Variants in KPNA3 observed in about 807,000 individuals in gnomAD.
The protein encoded by KPNA3 is importin subunit alpha-4.
In KPNA3, 13 loss-of-function variants were observed where a neutral mutation model predicts 73.8. The observed-to-expected ratio is 0.18, with a 90% CI of 0.11 to 0.28. The LOEUF (loss-of-function observed/expected upper bound fraction) is 0.28, where lower values mean the gene tolerates loss of function less well. KPNA3 is among the 10% of genes least tolerant of loss of function. The pLI, the probability that KPNA3 is intolerant of heterozygous loss-of-function variation, is 1.00. For synonymous variants in KPNA3, 186 were observed against 206.9 expected, an observed-to-expected ratio of 0.90 and a Z score of 0.87; for missense variants, 360 against 618.1, an observed-to-expected ratio of 0.58 and a Z score of 4.43.
At chr13:49,737,755 T>C (rs1344618891) in intron 2 of KPNA3, among the ~76,000 whole-genome samples, 1 of 152,136 alleles carries the variant, frequency 6.6e-6, no homozygotes, top group East Asian at 1.9e-4. Context: ...AATACAGGTG[T>C]TATGCCACTG....
intron 9 of KPNA3, among the ~76,000 whole-genome samples, chr13:49,720,987 G>C (rs1306345155): frequency 1.3e-5 from 2 of 152,118 alleles, no homozygotes; most frequent in Non-Finnish European, 1.5e-5. Context: ...GGGATACTGA[G>C]GTGAGCAGAT....
rs1465200149 is a variant in KPNA3 at position 49,722,469 on chromosome 13, C to G, written c.556+8G>C. On this transcript the variant is annotated splice_region_variant and intron_variant, in intron 8 of 16. Coordinates refer to ENST00000261667, the MANE Select transcript of KPNA3 (RefSeq NM_002267.4). ...GATTCTTAAGAGGATTCCTTTCAAA[C>G]CACTTACCTATAATGTTTCCCAAAG... 1 of 1,584,516 alleles carries G rather than the reference C, an allele frequency of 6.3e-7. No homozygotes were observed. Among genetic ancestry groups the G allele is most frequent in the Non-Finnish European group, 8.6e-7 (1 of 1,157,728 alleles).
chr13:49,704,247 C>A (rs1176693268), intron 15 of KPNA3, among the ~76,000 whole-genome samples: 1 of 151,826 alleles, frequency 6.6e-6, no homozygotes, highest in African/African-American at 2.4e-5. Flanking sequence ...CACGGAGAAA[C>A]CCTGCCTCTA....
At chr13:49,749,094 A>T (rs1004656555) in intron 1 of KPNA3, among the ~76,000 whole-genome samples, 1 of 152,238 alleles carries the variant, frequency 6.6e-6, no homozygotes, top group African/African-American at 2.4e-5. Context: ...GATGATGCAT[A>T]ACAAAAAGAT....
At chr13:49,784,613 C>A (rs1466627253) in intron 1 of KPNA3, among the ~76,000 whole-genome samples, 1 of 152,150 alleles carries the variant, frequency 6.6e-6, no homozygotes, top group Non-Finnish European at 1.5e-5. Flanking sequence ...ATCACTAATT[C>A]ATTCACTATG....
At chr13:49,724,751 CATGCA>C (rs1954394231) in intron 7 of KPNA3, among the ~76,000 whole-genome samples, 1 of 152,156 alleles carries the variant, frequency 6.6e-6, no homozygotes, top group Non-Finnish European at 1.5e-5. Context: ...CATGCGCCAC[CATGCA>C]ATGCTAATTT....
At chr13:49,747,053 A>G in intron 1 of KPNA3, 60 bp from the exon 2 acceptor site, 3 of 1,292,646 alleles carry the variant, frequency 2.3e-6, no homozygotes. Context: ...TAGTATATAA[A>G]GATCTCAGCT....
In KPNA3 at chr13:49,714,864, C is replaced by T. The variant is rs371779716; in HGVS notation, c.772-3842G>A. 5.9e-5 allele frequency among the ~76,000 whole-genome samples: 9 copies of T among 151,916 alleles called. No individual in the cohort carries two copies. The East Asian group carries it at 7.7e-4, about 13-fold the overall frequency. ...CTAAACTGCAAACCAATATCACTTA[C>T]GTGAATGCTGATGTAAAAATCTGAA... On this transcript the variant is annotated intron_variant, in intron 10 of 16. Transcript: ENST00000261667.
intron 2 of KPNA3, 31 bp from the exon 3 acceptor site, chr13:49,733,077 T>C: frequency 7.6e-6 from 10 of 1,312,242 alleles, no homozygotes; most frequent in Non-Finnish European, 1.1e-5. Flanking sequence ...GCTTAAGAAG[T>C]CATAAGGACT....
At chr13:49,780,240 T>G (rs1471603500) in intron 1 of KPNA3, among the ~76,000 whole-genome samples, 1 of 152,182 alleles carries the variant, frequency 6.6e-6, no homozygotes, top group Non-Finnish European at 1.5e-5. Flanking sequence ...CTCATTTGTT[T>G]GCCTACAGTC....
intron 1 of KPNA3, among the ~76,000 whole-genome samples, chr13:49,778,641 GTTT>G (rs779997185): frequency 6.6e-6 from 1 of 152,088 alleles, no homozygotes; most frequent in Non-Finnish European, 1.5e-5. Context: ...GAGAGCTTTT[GTTT>G]TTTTGTTGTT....
At chr13:49,786,222 A>T (rs1954981221) in intron 1 of KPNA3, among the ~76,000 whole-genome samples, 1 of 152,178 alleles carries the variant, frequency 6.6e-6, no homozygotes, top group Non-Finnish European at 1.5e-5. Context: ...CCAAATGTAG[A>T]CTTTTTTCAG....
intron 1 of KPNA3, 44 bp from the exon 2 acceptor site, chr13:49,747,037 C>T (rs2137569404): frequency 7.1e-7 from 1 of 1,399,364 alleles, no homozygotes; most frequent in Non-Finnish European, 1.0e-6. Flanking sequence ...AAAATACGGA[C>T]ACTGCTAGTA....
chr13:49,761,247 A>G (rs992035431), intron 1 of KPNA3, among the ~76,000 whole-genome samples: 5 of 151,124 alleles, frequency 3.3e-5, no homozygotes, highest in African/African-American at 7.3e-5. Flanking sequence ...CTCTCCCCAC[A>G]GTCTCCCTCT....
At chr13:49,767,002 T>C (rs1425668214) in intron 1 of KPNA3, among the ~76,000 whole-genome samples, 1 of 151,648 alleles carries the variant, frequency 6.6e-6, no homozygotes, top group African/African-American at 2.4e-5. Context: ...TTAGGATTTT[T>C]TTTTTTTTTT....
At chr13:49,774,208 G>T (rs1453303685) in intron 1 of KPNA3, among the ~76,000 whole-genome samples, 1 of 151,938 alleles carries the variant, frequency 6.6e-6, no homozygotes, top group Non-Finnish European at 1.5e-5. Context: ...CCAGGTCTTA[G>T]TTCTTTTTCT....
chr13:49,775,695 T>C (rs1954892443), intron 1 of KPNA3, among the ~76,000 whole-genome samples: 2 of 152,196 alleles, frequency 1.3e-5, no homozygotes, highest in South Asian at 2.1e-4. Flanking sequence ...TACTAAACTA[T>C]CCTGTTCTGT....
At chr13:49,745,455 G>A (rs1238563472) in intron 2 of KPNA3, among the ~76,000 whole-genome samples, 1 of 151,132 alleles carries the variant, frequency 6.6e-6, no homozygotes, top group African/African-American at 2.4e-5. Flanking sequence ...TGCCTCCAGG[G>A]TTCAAGCAAT....
chr13:49,732,392 T>G lies in KPNA3; in HGVS notation c.362A>C (p.Lys121Thr), dbSNP rs34024081. The G allele has an allele frequency of 2.5e-6, 4 of 1,575,064 alleles. No individual in the cohort carries two copies. The highest frequency in any genetic ancestry group is 3.5e-6 in the Non-Finnish European group (4 of 1,149,664). Residue 121 changes from lysine to threonine, a missense_variant, in exon 6 of 17, where the codon AAA becomes ACA. Physicochemically the swap from Lys to Thr is moderately conservative, Grantham distance 78. This residue lies in a region of KPNA3 where 287 missense variants were observed against 549.1 expected (regional missense o/e 0.52). Transcript: ENST00000261667. ...IKSGILPILV[K>T]CLERDDNPSL... ...TTACTTATCATCCCTTTCTAGACAT[T>G]TGACTAGAATTGGTAAAATCCCAGA...
Sources: allele counts gnomAD v4.1 joint callset (sites outside exome capture counted in the v4.1 genomes callset), GRCh38; gene constraint gnomAD v4.1.1; regional missense constraint gnomAD v4.1.1; transcripts MANE v1.5; gene names NCBI Gene and HGNC (gene_info 2026-07-23, HGNC 2026-07-21).